Variants in ZNF317 observed in about 807,000 individuals in gnomAD.
The protein encoded by ZNF317 is KRAB-containing zinc finger protein 317.
ZNF317 carries 17 observed loss-of-function variants against 23.4 expected under a neutral mutation model. The ratio of observed to expected loss-of-function variants is 0.73; its 90% CI spans 0.50 to 1.09. The LOEUF is 1.09. Among genes scored for constraint, ZNF317 ranks in the 50% least tolerant of loss-of-function variants. The pLI is 0.00. For missense variants in ZNF317, 679 were observed against 796.7 expected (o/e 0.85, Z 1.78); for synonymous variants, 317 against 314.9 (o/e 1.01, Z -0.07).
chr19:9,157,452 G>C (rs763986168), intron 4 of ZNF317, 58 bp downstream of exon 4: 8 of 1,604,512 alleles, frequency 5.0e-6, no homozygotes, highest in Non-Finnish European at 6.8e-6. Flanking sequence ...TTTTGTTTGA[G>C]TATGTTCTGT....
At chr19:9,149,681 C>T (rs2050719320) in intron 1 of ZNF317, among the ~76,000 whole-genome samples, 1 of 151,908 alleles carries the variant, frequency 6.6e-6, no homozygotes, top group Admixed American at 6.6e-5. Flanking sequence ...GGGTGAGGGA[C>T]CAGTGGCAGA....
chr19:9,144,028 G>T (rs1555712922), intron 1 of ZNF317, among the ~76,000 whole-genome samples: 1 of 130,030 alleles, frequency 7.7e-6, no homozygotes, highest in Non-Finnish European at 1.6e-5. Flanking sequence ...TTGAGACGGA[G>T]TTTCACTCTT....
chr19:9,152,846 G>C (rs1207142179), intron 1 of ZNF317, among the ~76,000 whole-genome samples: 2 of 152,194 alleles, frequency 1.3e-5, no homozygotes, highest in Non-Finnish European at 2.9e-5. Flanking sequence ...TGCCAAATTG[G>C]GTGGGGACTG....
intron 4 of ZNF317, 116 bp from the exon 5 acceptor site, chr19:9,157,864 A>G: frequency 7.0e-7 from 1 of 1,418,858 alleles, no homozygotes; most frequent in South Asian, 1.6e-5. Context: ...TGCTGCTCCT[A>G]AGTCAGACTT....
chr19:9,144,138 A>T (rs1158123039), intron 1 of ZNF317, among the ~76,000 whole-genome samples: 1 of 151,804 alleles, frequency 6.6e-6, no homozygotes, highest in Non-Finnish European at 1.5e-5. Context: ...AAGTAGCTGG[A>T]AGTACAGGCG....
chr19:9,153,905 G>A (rs1190778122), intron 1 of ZNF317, among the ~76,000 whole-genome samples: 2 of 152,160 alleles, frequency 1.3e-5, no homozygotes, highest in Non-Finnish European at 2.9e-5. Context: ...GGTGAATGTA[G>A]ACTGCTCCTA....
chr19:9,144,895 GT>G, intron 1 of ZNF317, among the ~76,000 whole-genome samples: 1 of 151,778 alleles, frequency 6.6e-6, no homozygotes, highest in Non-Finnish European at 1.5e-5. Context: ...CAGGAACTTT[GT>G]TTTTTGGTGC....
intron 3 of ZNF317, 156 bp from the exon 4 acceptor site, chr19:9,157,112 T>C (rs554939102): frequency 1.1e-6 from 1 of 895,590 alleles, no homozygotes; most frequent in Non-Finnish European, 1.7e-6. Flanking sequence ...AGAGGATGTC[T>C]GAGGACTGAT....
rs538542377 is a variant in ZNF317 at position 9,145,678 on chromosome 19, C to T, written c.-93+5086C>T. ...AGCCACTATATTTTGCAGTGATTGC[C>T]TAGGCTCCTTCTCTGTCTCTCATCA... On this transcript the variant is annotated intron_variant, in intron 1 of 6. Transcript: ENST00000247956. Among the ~76,000 whole-genome samples the T allele has an allele frequency of 2.0e-5, 3 of 152,264 alleles. No homozygotes were observed. The South Asian group carries it at 6.2e-4, about 32-fold the overall frequency.
intron 3 of ZNF317, 138 bp from the exon 4 acceptor site, chr19:9,157,130 G>A (rs2050792219): frequency 1.9e-6 from 2 of 1,055,252 alleles, no homozygotes. Context: ...GATGCCTGGA[G>A]GAAATGTTGA....
chr19:9,141,658 A>G (rs2050630812), intron 1 of ZNF317, among the ~76,000 whole-genome samples: 2 of 152,154 alleles, frequency 1.3e-5, no homozygotes, highest in South Asian at 4.1e-4. Context: ...AATTCCACAT[A>G]CTGGACTTTT....
In ZNF317 at chr19:9,156,535, C is replaced by T. The variant is rs2050784725; in HGVS notation, c.26-77C>T. The T allele has an allele frequency of 2.0e-5, 31 of 1,531,362 alleles. No homozygotes were observed. In the South Asian group the frequency reaches 3.4e-4, roughly 17 times the overall value. The allele number at this position is 1,531,362 out of a possible 1,614,324, so 94.9% of individuals were successfully genotyped here. On this transcript the variant is annotated intron_variant, in intron 2 of 6. Coordinates refer to ENST00000247956, the MANE Select transcript of ZNF317 (RefSeq NM_020933.5). ...GTGAACACTCAGAATCAGTGTGGAG[C>T]AGTTTCCTGGTTTACAAGTGTTGTA...
Position 9,156,641 on chromosome 19 carries a change from C to T in ZNF317, c.55C>T (p.Gln19Ter), listed in dbSNP as rs1286953957. The T allele has an allele frequency of 6.2e-7, 1 of 1,614,088 alleles. No individual in the cohort carries two copies. The highest frequency in any genetic ancestry group is 1.7e-5 in the Admixed American group (1 of 60,014). The stretch of plus-strand genomic sequence containing the variant: ...GTCCACCCAGGATTCCACCTGTCTC[C>T]AGGACTCAGAATTTCCTGTTTCTTC... ...ATSTQDSTCLQDSEFPVSSKD... is the reference protein window; with the variant it reads ...ATSTQDSTCL The change falls in exon 3 of 7, where the codon CAG (glutamine) becomes TAG (stop). Residue 19 changes from glutamine to a stop codon, truncating the protein, a stop_gained. Transcript: ENST00000247956. LOFTEE classifies it high-confidence loss of function.
In ZNF317 at chr19:9,160,587, T is replaced by G. The variant is rs1274516073; in HGVS notation, c.942T>G (p.Ala314=). Residue 314 remains alanine (A), a synonymous_variant, in exon 7 of 7, where the codon GCT becomes GCG. Coordinates refer to ENST00000247956, the MANE Select transcript of ZNF317 (RefSeq NM_020933.5). This position sits in a 1 kb window ranked among gnomAD's most constrained non-coding sequence, Gnocchi z 6.8. ...RPYKCDQCGK[A]YGRSCHLIAH... ...ACAAGTGTGATCAGTGCGGGAAGGC[T>G]TACGGCCGGAGCTGCCACCTCATCG... 1 of 1,613,310 alleles carries G rather than the reference T, an allele frequency of 6.2e-7. No individual in the cohort carries two copies.
intron 1 of ZNF317, among the ~76,000 whole-genome samples, chr19:9,153,015 C>T (rs934489569): frequency 6.6e-5 from 10 of 152,268 alleles, no homozygotes; most frequent in Admixed American, 1.3e-4. Context: ...AGTTTTGTCA[C>T]CTTTGTTGAT....
At chr19:9,146,782 C>G (rs1277107607) in intron 1 of ZNF317, among the ~76,000 whole-genome samples, 1 of 152,070 alleles carries the variant, frequency 6.6e-6, no homozygotes, top group Non-Finnish European at 1.5e-5. Context: ...GGCAGAAATA[C>G]CAGTCAGTAA....
intron 1 of ZNF317, among the ~76,000 whole-genome samples, chr19:9,149,003 A>G (rs1453843932): frequency 6.6e-6 from 1 of 152,210 alleles, no homozygotes; most frequent in Non-Finnish European, 1.5e-5. Flanking sequence ...GACAAGTGGC[A>G]TCCTTGAACA....
At chr19:9,142,544 A>ATTT (rs35609929) in intron 1 of ZNF317, among the ~76,000 whole-genome samples, 2,096 of 133,698 alleles carry the variant, frequency 0.016, 28 homozygotes, top group African/African-American at 0.036. Flanking sequence ...TTAACAAGTG[A>ATTT]TTTTTTTTTT....
At chr19:9,159,902 AAC>A (rs1448337238) in intron 6 of ZNF317, among the ~76,000 whole-genome samples, 1 of 152,236 alleles carries the variant, frequency 6.6e-6, no homozygotes, top group African/African-American at 2.4e-5. Flanking sequence ...TTGAAAAAGT[AAC>A]ACATGTGGAG....
Sources: allele counts gnomAD v4.1 joint callset (sites outside exome capture counted in the v4.1 genomes callset), GRCh38; gene constraint gnomAD v4.1.1; non-coding constraint Gnocchi (gnomAD v3.1); transcripts MANE v1.5; gene names NCBI Gene and HGNC (gene_info 2026-07-23, HGNC 2026-07-21).